Variants in CDAN1 observed in about 807,000 individuals in gnomAD.
CDAN1 encodes the protein codanin-1.
CDAN1 carries 107 observed loss-of-function variants against 139.8 expected under a neutral mutation model. The observed-to-expected ratio is 0.77, with a 90% CI of 0.65 to 0.90. CDAN1 has a LOEUF of 0.90. CDAN1 is among the 40% of genes least tolerant of loss of function. The pLI is 0.00. For synonymous variants in CDAN1, 776 were observed against 660.6 expected, an observed-to-expected ratio of 1.17 and a Z score of -2.68; for missense variants, 1,667 against 1,575.7, an observed-to-expected ratio of 1.06 and a Z score of -0.98.
chr15:42,734,118 A>G (rs573517208), intron 7 of CDAN1, 71 bp from the exon 8 acceptor site: 2 of 1,598,588 alleles, frequency 1.3e-6, no homozygotes, highest in African/African-American at 2.7e-5. Context: ...ATTCTTGCCC[A>G]GAGTTAGCTC....
chr15:42,724,946 A>C (rs750136968), intron 27 of CDAN1, 198 bp downstream of exon 27: 15 of 652,614 alleles, frequency 2.3e-5, no homozygotes, highest in South Asian at 3.5e-5. Context: ...TTTCCAACTA[A>C]CTGCCTGCCT....
intron 4 of CDAN1, 55 bp downstream of exon 4, chr15:42,735,455 C>G (rs1251510233): frequency 2.7e-5 from 44 of 1,606,548 alleles, no homozygotes; most frequent in Non-Finnish European, 3.7e-5. Flanking sequence ...TACCAATTCT[C>G]TTACCCATAA....
chr15:42,726,414 C>A lies in CDAN1; in HGVS notation c.3100G>T (p.Val1034Leu), dbSNP rs755062475. Residue 1034 changes from valine (V) to leucine (L), a missense_variant, in exon 24 of 28, where the codon GTG (valine) becomes TTG (leucine). Val to Leu is a conservative substitution (Grantham distance 32). Around this residue, in one of 3 missense-constraint regions of CDAN1, gnomAD observed 936 missense variants for 844.1 expected, o/e 1.11. Transcript: ENST00000356231. ...PSHLISEIKDVLSLAVGPRDP... is the reference protein window; with the variant it reads ...PSHLISEIKDLLSLAVGPRDP... ...CGTGGCCCCACGGCCAAGGAGAGCA[C>A]GTCCTGTGAAGAGCAGGGGGAGATA... 1.3e-6 allele frequency: 2 copies of A among 1,590,046 alleles called. No individual in the cohort carries two copies. Among genetic ancestry groups the A allele is most frequent in the South Asian group, 1.1e-5 (1 of 87,266 alleles).
intron 23 of CDAN1, 51 bp from the exon 24 acceptor site, chr15:42,726,468 C>G (rs761419053): frequency 7.6e-6 from 11 of 1,443,870 alleles, no homozygotes; most frequent in Middle Eastern, 3.5e-4. Context: ...CAGGATGCCA[C>G]AGAGAATTTG....
chr15:42,727,893 GA>G, intron 22 of CDAN1, 61 bp downstream of exon 22: 9 of 1,599,868 alleles, frequency 5.6e-6, no homozygotes, highest in Non-Finnish European at 7.7e-6. Context: ...AGATGCCTCT[GA>G]CTCTCTGCCA....
At chr15:42,732,550 C>T (rs1319240698) in intron 9 of CDAN1, 142 bp from the exon 10 acceptor site, 4 of 743,982 alleles carry the variant, frequency 5.4e-6, no homozygotes, top group African/African-American at 5.2e-5. Flanking sequence ...TGCAAAGGGA[C>T]ACTGAAGGCA....
chr15:42,724,762 G>A, intron 27 of CDAN1, 146 bp from the exon 28 acceptor site: 2 of 1,047,844 alleles, frequency 1.9e-6, no homozygotes, highest in African/African-American at 1.6e-5. Flanking sequence ...AACCTTGTCT[G>A]TTTGTTAGTA....
At chr15:42,726,047 G>C (rs1391425580) in intron 25 of CDAN1, 50 bp downstream of exon 25, 12 of 1,462,154 alleles carry the variant, frequency 8.2e-6, no homozygotes, top group Non-Finnish European at 1.1e-5. Flanking sequence ...ACCCAACCCT[G>C]AGATTTGGGG....
At position 42,729,338 on chromosome 15, in the gene CDAN1, G is replaced by A. The variant is rs141304487; in HGVS notation, c.2432C>T (p.Ser811Leu). 41 of 1,614,130 alleles carry A rather than the reference G, an allele frequency of 2.5e-5. No individual in the cohort carries two copies. The African/African-American group carries it at 3.2e-4, about 13-fold the overall frequency. Residue 811 changes from serine to leucine, a missense_variant, in exon 18 of 28, where the codon TCG becomes TTG. Coordinates refer to ENST00000356231, the MANE Select transcript of CDAN1 (RefSeq NM_138477.4). ...CCGTCCACTACTGCCTGACACCCAC[G>A]AAGCGAGCAGTTTCCGGAGCTCTCC... ...YIGELRKLLA[S>L]WVSGSSGRSG...
intron 10 of CDAN1, 39 bp downstream of exon 10, chr15:42,732,294 G>T: frequency 6.3e-7 from 1 of 1,578,080 alleles, no homozygotes; most frequent in Non-Finnish European, 8.7e-7. Context: ...TGTGATGCCT[G>T]CTGTTTAATG....
intron 6 of CDAN1, 150 bp from the exon 7 acceptor site, chr15:42,734,496 TAATG>T (rs1429649654): frequency 1.0e-6 from 1 of 962,808 alleles, no homozygotes; most frequent in Non-Finnish European, 1.6e-6. Flanking sequence ...GGATCAAAGA[TAATG>T]AAAGTCAAGG....
rs149379342 is a variant in CDAN1, at chr15:42,725,198, T to C, written c.3504A>G (p.Gly1168=). ...LRELVEKGLM[G]RMEIEACLGS... is the part of the protein sequence containing the mutation. ...CCAGGCAGGCCTCTATCTCCATCCG[T>C]CCCATCAGACCCTTCTCCACCAGCT... Residue 1168 remains glycine, a synonymous_variant, in exon 27 of 28, where the codon GGA becomes GGG. Coordinates refer to ENST00000356231, the MANE Select transcript of CDAN1 (RefSeq NM_138477.4). 1.7e-5 allele frequency: 27 copies of C among 1,614,076 alleles called. No individual in the cohort carries two copies. The highest frequency in any genetic ancestry group is 1.6e-4 in the Middle Eastern group (1 of 6,084).
At chr15:42,730,379 C>A (rs1440778677) in intron 14 of CDAN1, among the ~76,000 whole-genome samples, 164 bp from the exon 15 acceptor site, 1 of 152,246 alleles carries the variant, frequency 6.6e-6, no homozygotes, top group Non-Finnish European at 1.5e-5. Context: ...GGGACTGTCT[C>A]TCAGCGGGGC....
chr15:42,728,932 AC>A, intron 19 of CDAN1, 90 bp downstream of exon 19: 8 of 1,573,244 alleles, frequency 5.1e-6, no homozygotes, highest in Non-Finnish European at 7.0e-6. Flanking sequence ...CCCCACACCC[AC>A]CCTCTGGCTG....
At position 42,736,993 on chromosome 15, in the gene CDAN1, G is replaced by C. The variant is rs1412692074; in HGVS notation, c.90+20C>G. The C allele has an allele frequency of 5.8e-6, 9 of 1,539,782 alleles. No homozygotes were observed. The highest frequency in any genetic ancestry group is 7.0e-6 in the Non-Finnish European group (8 of 1,140,526). On this transcript the variant is annotated intron_variant, in intron 1 of 27. Coordinates refer to ENST00000356231, the MANE Select transcript of CDAN1 (RefSeq NM_138477.4). ...GGAACCGGCTTCGAGTCAGACCTGG[G>C]GGCGTGTCACCGCTGTTACCTCCGA...
intron 16 of CDAN1, 75 bp downstream of exon 16, chr15:42,729,721 G>T (rs1819469520): frequency 6.3e-7 from 1 of 1,587,090 alleles, no homozygotes; most frequent in Non-Finnish European, 8.6e-7. Context: ...ATCTGCCCCT[G>T]GCTGGGCCTC....
chr15:42,724,708 A>C, intron 27 of CDAN1, 92 bp from the exon 28 acceptor site: 2 of 1,479,956 alleles, frequency 1.4e-6, no homozygotes, highest in Non-Finnish European at 1.8e-6. Flanking sequence ...CTGGCTGGCT[A>C]TATTATTTTT....
At chr15:42,732,196 G>T (rs1050849178) in intron 10 of CDAN1, 137 bp downstream of exon 10, 3 of 853,770 alleles carry the variant, frequency 3.5e-6, no homozygotes, top group African/African-American at 1.7e-5. Flanking sequence ...CAGCCACTCC[G>T]CGAGGAGTAG....
At position 42,731,652 on chromosome 15, in the gene CDAN1, G is replaced by A. The variant is rs1291581682; in HGVS notation, c.1707C>T (p.Gly569=). 6.2e-7 allele frequency: 1 copy of A among 1,614,014 alleles called. No individual in the cohort carries two copies. Among genetic ancestry groups the A allele is most frequent in the African/African-American group, 1.3e-5 (1 of 74,948 alleles). ...CPPPTFPGCQ[G]FFRDFILSAS... is the part of the protein sequence containing the mutation. ...CACTAAGGATGAAGTCCCTAAAGAA[G>A]CCTTGACAGCCTGGGAAGGTGGGGG... The change falls in exon 11 of 28, where the codon GGC becomes GGT. Residue 569 remains glycine (G), a synonymous_variant. Coordinates refer to ENST00000356231, the MANE Select transcript of CDAN1 (RefSeq NM_138477.4).
Sources: gnomAD v4.1 joint callset for allele counts (sites outside exome capture counted in the v4.1 genomes callset) on GRCh38, gnomAD v4.1.1 for gene constraint, gnomAD v4.1.1 regional missense constraint, MANE v1.5 for transcripts, NCBI Gene and HGNC (gene_info 2026-07-23, HGNC 2026-07-21) for gene names.